PARD3B: variants seen among roughly 807,000 people sequenced by gnomAD.
PARD3B encodes the protein par-3 family cell polarity regulator beta, also known as partitioning defective 3 homolog B.
A neutral mutation model predicts 130.2 loss-of-function variants in PARD3B; 103 were observed. The ratio of observed to expected loss-of-function variants is 0.79; its 90% CI spans 0.67 to 0.93. PARD3B has a LOEUF of 0.93. Ranked by LOEUF, PARD3B falls within the 40% of genes least tolerant of loss-of-function variation. PARD3B has a pLI of 0.00. For synonymous variants in PARD3B, 583 were observed against 553.2 expected, an observed-to-expected ratio of 1.05 and a Z score of -0.76; for missense variants, 1,609 against 1,499.2, an observed-to-expected ratio of 1.07 and a Z score of -1.21.
chr2:205,103,137 T>C (rs1179173342), intron 4 of PARD3B, among the ~76,000 whole-genome samples: 2 of 144,584 alleles, frequency 1.4e-5, no homozygotes, highest in African/African-American at 5.0e-5. Flanking sequence ...AAAATAAACA[T>C]ATTTTATATT....
chr2:204,902,354 T>C (rs2046891085), intron 2 of PARD3B, among the ~76,000 whole-genome samples: 1 of 151,808 alleles, frequency 6.6e-6, no homozygotes. Flanking sequence ...TCTGAATAGC[T>C]AGACGTTTTT....
At chr2:205,050,614 CATT>C (rs1325202592) in intron 4 of PARD3B, among the ~76,000 whole-genome samples, 2 of 151,762 alleles carry the variant, frequency 1.3e-5, no homozygotes, top group Non-Finnish European at 2.9e-5. Context: ...TAAAAGATCT[CATT>C]AATAATTGTT....
intron 20 of PARD3B, among the ~76,000 whole-genome samples, chr2:205,495,875 T>C (rs1179998194): frequency 6.6e-6 from 1 of 152,126 alleles, no homozygotes; most frequent in African/African-American, 2.4e-5. Context: ...TCCATCAGTA[T>C]TTTTTGAGGT....
In PARD3B at chr2:204,897,784, A is replaced by G. The variant is rs546415205; in HGVS notation, c.223-67368A>G. On this transcript the variant is annotated intron_variant, in intron 2 of 22. Coordinates refer to ENST00000406610, the MANE Select transcript of PARD3B (RefSeq NM_001302769.2). ...CAAAGCAAGCAAGGGAACATTGATC[A>G]TTGCTTTCTGCCTCTTAATCGGAAT... Among the ~76,000 whole-genome samples, 5 of 152,096 alleles carry G rather than the reference A, an allele frequency of 3.3e-5. No homozygotes were observed. The South Asian group carries it at 1.0e-3, about 32-fold the overall frequency.
chr2:204,947,580 T>A (rs891241420), intron 2 of PARD3B, among the ~76,000 whole-genome samples: 8 of 132,442 alleles, frequency 6.0e-5, no homozygotes, highest in African/African-American at 2.3e-4. Context: ...CCTCCCTCTC[T>A]TAGCCTTTGG....
intron 1 of PARD3B, among the ~76,000 whole-genome samples, chr2:204,615,297 A>T (rs994381629): frequency 6.6e-6 from 1 of 152,174 alleles, no homozygotes; most frequent in Non-Finnish European, 1.5e-5. Flanking sequence ...ATCTAAAATC[A>T]TATCAATGCT....
At position 205,229,715 on chromosome 2, in the gene PARD3B, TA is replaced by T. The variant is rs538107635; in HGVS notation, c.2141-16060del. Among the ~76,000 whole-genome samples the T allele has an allele frequency of 8.5e-5, 13 of 152,158 alleles. No homozygotes were observed. In the South Asian group the frequency reaches 2.5e-3, roughly 29 times the overall value. The stretch of plus-strand genomic sequence containing the variant: ...CTAGAGCTCCGCAATAAGCAGGTGG[TA>T]AAGCCACCCAGGCTTGTGTCCTTCC... On this transcript the variant is annotated intron_variant, in intron 15 of 22. Transcript: ENST00000406610. This position sits in a 1 kb window ranked among gnomAD's most constrained non-coding sequence, Gnocchi z 5.2.
chr2:204,932,881 G>C (rs1345166165), intron 2 of PARD3B, among the ~76,000 whole-genome samples: 1 of 152,174 alleles, frequency 6.6e-6, no homozygotes, highest in African/African-American at 2.4e-5. Flanking sequence ...ATTGGCACTG[G>C]TAGTGGTAAC....
chr2:205,103,059 A>AAAAAAT (rs1251626709), intron 4 of PARD3B, among the ~76,000 whole-genome samples: 3 of 146,688 alleles, frequency 2.0e-5, no homozygotes, highest in African/African-American at 4.9e-5. Flanking sequence ...CAGAGCTCAA[A>AAAAAAT]AAAAATAAAA....
chr2:205,553,415 A>C lies in PARD3B; in HGVS notation c.3260+12A>C, dbSNP rs2052737732. 7 of 1,610,898 alleles carry C rather than the reference A, an allele frequency of 4.3e-6. No individual in the cohort carries two copies. The Admixed American group carries it at 1.2e-4, about 27-fold the overall frequency. Reference sequence around the variant, plus strand: ...GCATCCTTACCCAGGTAGATCACGGAGAGGTCTCCCATCTCCAGCTCACCT... The same window carrying C: ...GCATCCTTACCCAGGTAGATCACGGCGAGGTCTCCCATCTCCAGCTCACCT... On this transcript the variant is annotated intron_variant, in intron 22 of 22. Transcript: ENST00000406610.
At chr2:204,695,165 GGA>G (rs2125262448) in intron 2 of PARD3B, among the ~76,000 whole-genome samples, 1 of 151,926 alleles carries the variant, frequency 6.6e-6, no homozygotes, top group South Asian at 2.1e-4. Flanking sequence ...TTACATTACT[GGA>G]CCCAGTTCTA....
chr2:204,661,446 C>T (rs536525568), intron 1 of PARD3B, among the ~76,000 whole-genome samples: 1 of 152,176 alleles, frequency 6.6e-6, no homozygotes, highest in African/African-American at 2.4e-5. Context: ...CTAAACAAGA[C>T]ATTTAATATT....
chr2:204,780,239 A>G (rs1190113612), intron 2 of PARD3B, among the ~76,000 whole-genome samples: 2 of 152,188 alleles, frequency 1.3e-5, no homozygotes, highest in Non-Finnish European at 2.9e-5. Flanking sequence ...TTGTCAGTCT[A>G]TCATGATGTG....
chr2:205,437,840 T>C (rs186647478), intron 19 of PARD3B, among the ~76,000 whole-genome samples: 2 of 152,182 alleles, frequency 1.3e-5, no homozygotes, highest in East Asian at 3.9e-4. Flanking sequence ...TAAAAAAGGG[T>C]ATCTTTTGAA....
intron 2 of PARD3B, among the ~76,000 whole-genome samples, chr2:204,964,318 C>T (rs1262513281): frequency 1.3e-5 from 2 of 152,094 alleles, no homozygotes; most frequent in African/African-American, 4.8e-5. Context: ...GCAGAGCCGT[C>T]GTCACTGTCT....
At chr2:205,565,917 A>T (rs2053312734) in intron 22 of PARD3B, among the ~76,000 whole-genome samples, 1 of 152,074 alleles carries the variant, frequency 6.6e-6, no homozygotes, top group Non-Finnish European at 1.5e-5. Flanking sequence ...TTACAAAAAA[A>T]AAAAAAAAAA....
At chr2:205,338,059 C>T (rs2043378737) in intron 18 of PARD3B, among the ~76,000 whole-genome samples, 1 of 143,906 alleles carries the variant, frequency 6.9e-6, no homozygotes, top group Non-Finnish European at 1.5e-5. Context: ...GAGGCTGAGG[C>T]AGAGAATTGC....
intron 4 of PARD3B, among the ~76,000 whole-genome samples, chr2:205,067,095 C>CTTTTT (rs10672449): frequency 0.017 from 1,014 of 59,384 alleles, 134 homozygotes; most frequent in Non-Finnish European, 0.022. Flanking sequence ...TTTTACTAGG[C>CTTTTT]TTTTTTTTTT....
chr2:204,663,205 G>A (rs552601153), intron 1 of PARD3B, among the ~76,000 whole-genome samples: 8 of 152,248 alleles, frequency 5.3e-5, no homozygotes, highest in African/African-American at 7.2e-5. Context: ...CAGCTGGCTC[G>A]TACCTGCTGT....
Sources: gnomAD v4.1 joint callset for allele counts (sites outside exome capture counted in the v4.1 genomes callset) on GRCh38, gnomAD v4.1.1 for gene constraint, Gnocchi (gnomAD v3.1) non-coding constraint, MANE v1.5 for transcripts, NCBI Gene and HGNC (gene_info 2026-07-23, HGNC 2026-07-21) for gene names.